Variants in NUBP1 observed in about 807,000 individuals in gnomAD.
NUBP1 encodes the protein NUBP iron-sulfur cluster assembly factor 1, cytosolic, also known as cytosolic Fe-S cluster assembly factor NUBP1.
In NUBP1, 46 loss-of-function variants were observed where a neutral mutation model predicts 41.8. That is an observed-to-expected ratio of 1.10 (90% confidence interval 0.87 to 1.41). The LOEUF (loss-of-function observed/expected upper bound fraction) is 1.41, where lower values mean the gene tolerates loss of function less well. NUBP1 is among the 40% of genes most tolerant of loss of function. The pLI, the probability that NUBP1 is intolerant of heterozygous loss-of-function variation, is 0.00. For synonymous variants in NUBP1, 189 were observed against 154.6 expected (o/e 1.22, Z -1.65); for missense variants, 494 against 414.0 (o/e 1.19, Z -1.68).
intron 3 of NUBP1, among the ~76,000 whole-genome samples, chr16:10,752,282 G>A (rs550868911): frequency 1.1e-4 from 16 of 152,248 alleles, no homozygotes; most frequent in Admixed American, 8.5e-4. Flanking sequence ...CCAAACAGGC[G>A]CTAGGTCCCT....
At position 10,759,990 on chromosome 16, in the gene NUBP1, G is replaced by T. The variant is rs972635742; in HGVS notation, c.607-1374G>T. ...ACCTGACAGTGACAAGCCACAGCAG[G>T]ACTTGGGTACAGGGATCTGTGATAA... On this transcript the variant is annotated intron_variant, in intron 7 of 10. Transcript: ENST00000283027. The surrounding 1 kb of genome is among the most constrained non-coding windows in gnomAD (Gnocchi z 4.7). Among the ~76,000 whole-genome samples the T allele has an allele frequency of 6.6e-6, 1 of 152,220 alleles. No homozygotes were observed. The highest frequency in any genetic ancestry group is 1.5e-5 in the Non-Finnish European group (1 of 68,040).
At chr16:10,748,252 A>C (rs987165352) in intron 3 of NUBP1, among the ~76,000 whole-genome samples, 2 of 152,160 alleles carry the variant, frequency 1.3e-5, no homozygotes, top group African/African-American at 4.8e-5. Context: ...TGCCTGGCCT[A>C]AAATTGCAAT....
chr16:10,747,059 C>T, intron 2 of NUBP1, 84 bp from the exon 3 acceptor site: 1 of 1,547,184 alleles, frequency 6.5e-7, no homozygotes, highest in Non-Finnish European at 8.8e-7. Context: ...AGGACTAGGA[C>T]TTAGCTCTTT....
rs533400522 is a variant in NUBP1 at position 10,769,189 on chromosome 16, G to C, written c.*84G>C. 6.4e-5 allele frequency: 81 copies of C among 1,271,580 alleles called. No individual in the cohort carries two copies. In the African/African-American group the frequency reaches 1.1e-3, roughly 17 times the overall value. The allele number at this position is 1,271,580 out of a possible 1,614,324, so 78.8% of individuals were successfully genotyped here. On this transcript the variant is annotated 3_prime_UTR_variant, in exon 11 of 11. Transcript: ENST00000283027. Reference sequence around the variant, plus strand: ...TCCAGCCAGACCCGACCAGCTCCGGGATGGGGTGGGTCACAGCAAAAGGAC... The same window carrying C: ...TCCAGCCAGACCCGACCAGCTCCGGCATGGGGTGGGTCACAGCAAAAGGAC...
chr16:10,761,560 C>T (rs1014623556), intron 8 of NUBP1, 86 bp downstream of exon 8: 1 of 1,188,298 alleles, frequency 8.4e-7, no homozygotes. Context: ...CAAACTATTT[C>T]TGCTTTCCCT....
At chr16:10,745,588 C>T (rs1900021091) in intron 2 of NUBP1, among the ~76,000 whole-genome samples, 2 of 152,210 alleles carry the variant, frequency 1.3e-5, no homozygotes, top group African/African-American at 4.8e-5. Flanking sequence ...ACAGAAACAT[C>T]TGTGGCCTGT....
Position 10,768,542 on chromosome 16 carries a change from G to T in NUBP1, c.905-505G>T. 1 of 157,068 alleles carries T rather than the reference G, an allele frequency of 6.4e-6. No homozygotes were observed. The highest frequency in any genetic ancestry group is 1.4e-5 in the Non-Finnish European group (1 of 71,330). 9.7% of individuals were successfully genotyped at this position (157,068 alleles called of 1,614,324 possible). A position where few individuals can be genotyped will look rare whatever the true frequency, so the allele number is the denominator to read the frequency against. The stretch of plus-strand genomic sequence containing the variant: ...GAATCGCTTGAACCTGGGAGGCGGA[G>T]GCTGCAGTAAGGCGAGATCGCGCCA... On this transcript the variant is annotated intron_variant, in intron 10 of 10. Transcript: ENST00000283027. The surrounding 1 kb of genome is among the most constrained non-coding windows in gnomAD (Gnocchi z 4.3).
chr16:10,755,828 G>A, intron 5 of NUBP1, 75 bp downstream of exon 5: 5 of 1,385,954 alleles, frequency 3.6e-6, no homozygotes, highest in South Asian at 2.4e-5. Flanking sequence ...GTGGTTTGTT[G>A]GTCCATAGGT....
chr16:10,752,243 TGGC>T (rs1430525921), intron 3 of NUBP1, among the ~76,000 whole-genome samples: 2 of 152,204 alleles, frequency 1.3e-5, no homozygotes, highest in Non-Finnish European at 1.5e-5. Flanking sequence ...TGCCGTCTCT[TGGC>T]TGTTCCATCC....
intron 9 of NUBP1, among the ~76,000 whole-genome samples, chr16:10,763,276 G>A (rs925265285): frequency 6.6e-6 from 1 of 152,056 alleles, no homozygotes. Context: ...GACATGGACA[G>A]GATTGCCAAG....
chr16:10,761,442 A>C lies in NUBP1; in HGVS notation c.685A>C (p.Asn229His), dbSNP rs775178236. 1 of 1,614,072 alleles carries C rather than the reference A, an allele frequency of 6.2e-7. No homozygotes were observed. Among genetic ancestry groups the C allele is most frequent in the Admixed American group, 1.7e-5 (1 of 60,018 alleles). The change falls in exon 8 of 11, where the codon AAC becomes CAC. Residue 229 changes from asparagine to histidine, a missense_variant. Physicochemically the swap from Asn to His is moderately conservative, Grantham distance 68. Coordinates refer to ENST00000283027, the MANE Select transcript of NUBP1 (RefSeq NM_002484.4). ...GCTGCCCATCATCGGGGTGGTGGAG[A>C]ACATGAGTGGCTTCATCTGTCCTAA... Reference protein sequence around the residue: ...VKLPIIGVVENMSGFICPKCK... With the variant: ...VKLPIIGVVEHMSGFICPKCK...
rs543611061 is a variant in NUBP1 at position 10,755,702 on chromosome 16, G to C, written c.328-19G>C. 6.2e-7 allele frequency: 1 copy of C among 1,612,808 alleles called. No individual in the cohort carries two copies. The highest frequency in any genetic ancestry group is 1.7e-5 in the Admixed American group (1 of 60,000). ...TACATGATTTCTACTAATGAACATC[G>C]GTGCTCATGTTCACACAGGTTCACC... On this transcript the variant is annotated intron_variant, in intron 4 of 10. Transcript: ENST00000283027.
chr16:10,769,087 G>A lies in NUBP1; in HGVS notation c.945G>A (p.Glu315=), dbSNP rs1189421673. ...GTAATCTCCATCAGTCAAAAGAAGA[G>A]AACCTCATCAGTTCCTGAAACGAGA... ...EFCNLHQSKE[E]NLISS The change falls in exon 11 of 11, where the codon GAG becomes GAA. Residue 315 remains glutamate (E), a synonymous_variant. Coordinates refer to ENST00000283027, the MANE Select transcript of NUBP1 (RefSeq NM_002484.4). 6.2e-7 allele frequency: 1 copy of A among 1,613,898 alleles called. No individual in the cohort carries two copies. The highest frequency in any genetic ancestry group is 1.3e-5 in the African/African-American group (1 of 74,846).
chr16:10,752,913 G>A (rs1031007234), intron 4 of NUBP1, among the ~76,000 whole-genome samples: 2 of 152,192 alleles, frequency 1.3e-5, no homozygotes, highest in Non-Finnish European at 2.9e-5. Context: ...CTTGTGCTCA[G>A]CCTCCTGAGT....
intron 3 of NUBP1, among the ~76,000 whole-genome samples, chr16:10,748,036 T>A (rs1567253909): frequency 6.6e-6 from 1 of 152,134 alleles, no homozygotes; most frequent in Non-Finnish European, 1.5e-5. Context: ...CAACCTCTAC[T>A]TCCTGGGCTC....
intron 4 of NUBP1, among the ~76,000 whole-genome samples, chr16:10,754,614 T>A (rs1900471095): frequency 6.6e-6 from 1 of 152,206 alleles, no homozygotes; most frequent in Middle Eastern, 3.4e-3. Context: ...TTACATGAAA[T>A]GTGCAGAATA....
At chr16:10,760,814 A>G (rs539281144) in intron 7 of NUBP1, 1 of 152,704 alleles carries the variant, frequency 6.5e-6, no homozygotes, top group East Asian at 1.9e-4. Context: ...TCGAACAAAC[A>G]GGGCTTAGCA....
intron 3 of NUBP1, among the ~76,000 whole-genome samples, chr16:10,750,337 C>G (rs566242784): frequency 3.3e-5 from 5 of 152,188 alleles, no homozygotes; most frequent in African/African-American, 1.2e-4. Flanking sequence ...CTCCACCTCC[C>G]GGGCTCAAGC....
At position 10,759,971 on chromosome 16, in the gene NUBP1, C is replaced by T. The variant is rs533689008; in HGVS notation, c.607-1393C>T. Among the ~76,000 whole-genome samples, 3 of 152,326 alleles carry T rather than the reference C, an allele frequency of 2.0e-5. No homozygotes were observed. The East Asian group carries it at 5.8e-4, about 29-fold the overall frequency. ...GGTGCTAAGGAGTCACTACACCTGA[C>T]AGTGACAAGCCACAGCAGGACTTGG... On this transcript the variant is annotated intron_variant, in intron 7 of 10. Coordinates refer to ENST00000283027, the MANE Select transcript of NUBP1 (RefSeq NM_002484.4). This position sits in a 1 kb window ranked among gnomAD's most constrained non-coding sequence, Gnocchi z 4.7.
Sources: allele counts gnomAD v4.1 joint callset (sites outside exome capture counted in the v4.1 genomes callset), GRCh38; gene constraint gnomAD v4.1.1; non-coding constraint Gnocchi (gnomAD v3.1); transcripts MANE v1.5; gene names NCBI Gene and HGNC (gene_info 2026-07-23, HGNC 2026-07-21).